The following SBSPON variants were observed in gnomAD, a reference collection of about 807,000 sequenced individuals.
SBSPON encodes somatomedin-B and thrombospondin type-1 domain-containing protein.
A neutral mutation model predicts 35.8 loss-of-function variants in SBSPON; 30 were observed. The ratio of observed to expected loss-of-function variants is 0.84; its 90% CI spans 0.63 to 1.14. The LOEUF (loss-of-function observed/expected upper bound fraction) is 1.14. Ranked by LOEUF, SBSPON falls within the 50% of genes most tolerant of loss-of-function variation. SBSPON has a pLI of 0.00. For synonymous variants in SBSPON, 136 were observed against 135.9 expected (o/e 1.00, Z 0.00); for missense variants, 364 against 357.7 (o/e 1.02, Z -0.14).
At position 73,065,137 on chromosome 8, in the gene SBSPON, C is replaced by T. The variant is rs994648691; in HGVS notation, c.*2204G>A. On this transcript the variant is annotated 3_prime_UTR_variant, in exon 5 of 5. Transcript: ENST00000297354. ...TTATTTAACAGTTAACTCCTCTAGC[C>T]CATAAAATTTTCTCAAGAATAGAAA... 4 of 152,048 alleles carry T rather than the reference C, an allele frequency of 2.6e-5. No homozygotes were observed. Among genetic ancestry groups the T allele is most frequent in the Non-Finnish European group, 4.4e-5 (3 of 68,016 alleles). 9.4% of individuals were successfully genotyped at this position (152,048 alleles called of 1,614,324 possible). A position where few individuals can be genotyped will look rare whatever the true frequency, so the allele number is the denominator to read the frequency against.
chr8:73,067,246 A>C lies in SBSPON; in HGVS notation c.*95T>G. On this transcript the variant is annotated 3_prime_UTR_variant, in exon 5 of 5. Transcript: ENST00000297354. ...GAGTGTGGCAATGATGTGTTTGGGG[A>C]CTTTGGCCAAAATTGAAGGTTTAGG... 2 of 737,228 alleles carry C rather than the reference A, an allele frequency of 2.7e-6. No homozygotes were observed. The highest frequency in any genetic ancestry group is 4.7e-6 in the Non-Finnish European group (2 of 425,120). 45.7% of individuals were successfully genotyped at this position (737,228 alleles called of 1,614,324 possible).
chr8:73,088,702 GAAGAA>G lies in SBSPON; in HGVS notation c.214+4147_214+4151del, dbSNP rs146159892. Among the ~76,000 whole-genome samples the G allele has an allele frequency of 4.3e-3, 647 of 152,180 alleles. 4 individuals carry two copies. The highest frequency in any genetic ancestry group is 0.015 in the African/African-American group (609 of 41,516). ...CATCTCAAAAAGAAAAAAAAAGAGA[GAAGAA>G]GAGAGTCTAAGAGGCAGAATGGTTC... On this transcript the variant is annotated intron_variant, in intron 1 of 4. Transcript: ENST00000297354.
chr8:73,078,917 A>G (rs1375204678), intron 2 of SBSPON, among the ~76,000 whole-genome samples: 1 of 152,064 alleles, frequency 6.6e-6, no homozygotes, highest in African/African-American at 2.4e-5. Context: ...AAAGCCCAGA[A>G]TCCCAAATAG....
rs1233223282 is a variant in SBSPON, at chr8:73,067,589, C to CTATATATATATATATATATA, written c.678-132_678-131insTATATATATATATATATATA. 21 of 104,272 alleles carry CTATATATATATATATATATA rather than the reference C, an allele frequency of 2.0e-4. No individual in the cohort carries two copies. The African/African-American group carries it at 2.1e-3, about 10-fold the overall frequency. The allele number at this position is 104,272 out of a possible 1,614,324, so 6.5% of individuals were successfully genotyped here. A position where few individuals can be genotyped will look rare whatever the true frequency, so the allele number is the denominator to read the frequency against. On this transcript the variant is annotated intron_variant, in intron 4 of 4. Coordinates refer to ENST00000297354, the MANE Select transcript of SBSPON (RefSeq NM_153225.4). ...GCAATATAGTGAAACCCCGTCTCTA[C>CTATATATATATATATATATA]TATATATATATATATATAGTTTTTT... is the stretch of plus-strand genomic sequence containing the variant.
intron 2 of SBSPON, among the ~76,000 whole-genome samples, chr8:73,080,530 A>C (rs1810677001): frequency 6.6e-6 from 1 of 152,110 alleles, no homozygotes; most frequent in Non-Finnish European, 1.5e-5. Flanking sequence ...TAATAATAAT[A>C]ATAAAAGAAT....
chr8:73,069,919 A>G lies in SBSPON; in HGVS notation c.563T>C (p.Leu188Ser). 6.2e-7 allele frequency: 1 copy of G among 1,612,614 alleles called. No individual in the cohort carries two copies. The highest frequency in any genetic ancestry group is 8.5e-7 in the Non-Finnish European group (1 of 1,178,868). ...TPHCALENWP[L>S]TRWMQYLREG... ...TCGGAGATACTGCATCCATCTAGTC[A>G]AGGGCCAGTTTTCCAGAGCACAGTG... Residue 188 changes from leucine to serine, a missense_variant, in exon 4 of 5, where the codon TTG (leucine) becomes TCG (serine). Transcript: ENST00000297354.
intron 2 of SBSPON, among the ~76,000 whole-genome samples, chr8:73,080,514 CA>C (rs913170018): frequency 1.3e-5 from 2 of 151,874 alleles, no homozygotes; most frequent in African/African-American, 4.8e-5. Context: ...GACTCTGTCT[CA>C]AAAATAATAA....
chr8:73,074,335 T>A (rs1810551394), intron 2 of SBSPON, among the ~76,000 whole-genome samples: 2 of 152,208 alleles, frequency 1.3e-5, no homozygotes, highest in Admixed American at 6.5e-5. Flanking sequence ...ACAAAATTCT[T>A]GGAAAAGGTT....
chr8:73,072,788 G>T (rs948458246), intron 2 of SBSPON, among the ~76,000 whole-genome samples: 1 of 152,166 alleles, frequency 6.6e-6, no homozygotes, highest in Non-Finnish European at 1.5e-5. Context: ...CAATGTGGCT[G>T]CCCAGTGCCA....
At chr8:73,085,105 T>C (rs1810799012) in intron 1 of SBSPON, among the ~76,000 whole-genome samples, 1 of 151,856 alleles carries the variant, frequency 6.6e-6, no homozygotes, top group Non-Finnish European at 1.5e-5. Context: ...GGAAGTGGGG[T>C]GGAAGGAGAC....
At chr8:73,090,919 A>T (rs1810920910) in intron 1 of SBSPON, among the ~76,000 whole-genome samples, 1 of 152,108 alleles carries the variant, frequency 6.6e-6, no homozygotes, top group African/African-American at 2.4e-5. Context: ...TCACTATTCT[A>T]CCGCCTAGAC....
intron 1 of SBSPON, 89 bp from the exon 2 acceptor site, chr8:73,081,302 T>C: frequency 8.3e-7 from 1 of 1,202,852 alleles, no homozygotes; most frequent in Non-Finnish European, 1.1e-6. Flanking sequence ...TGAGTTTAGC[T>C]CCATGTAAAC....
At chr8:73,081,581 G>A (rs1016625005) in intron 1 of SBSPON, among the ~76,000 whole-genome samples, 2 of 151,676 alleles carry the variant, frequency 1.3e-5, no homozygotes, top group African/African-American at 4.8e-5. Flanking sequence ...AATTTTATCT[G>A]CCCCTGCCCA....
intron 1 of SBSPON, among the ~76,000 whole-genome samples, chr8:73,091,943 AC>A (rs1563493218): frequency 6.6e-6 from 1 of 152,082 alleles, no homozygotes; most frequent in Admixed American, 6.5e-5. Context: ...TTCAGCTCGA[AC>A]CCTAATATCT....
chr8:73,068,446 A>G (rs958916036), intron 4 of SBSPON, among the ~76,000 whole-genome samples: 2 of 152,216 alleles, frequency 1.3e-5, no homozygotes, highest in African/African-American at 4.8e-5. Flanking sequence ...CTGTATTTCT[A>G]CCAGTTACAC....
At chr8:73,086,279 G>GAATGAGGCTGAA (rs1810824156) in intron 1 of SBSPON, among the ~76,000 whole-genome samples, 2 of 151,930 alleles carry the variant, frequency 1.3e-5, no homozygotes, top group South Asian at 4.2e-4. Flanking sequence ...TCATGCTTCA[G>GAATGAGGCTGAA]CCTCCCGAGT....
At chr8:73,072,302 G>A (rs1280585369) in intron 2 of SBSPON, among the ~76,000 whole-genome samples, 3 of 150,510 alleles carry the variant, frequency 2.0e-5, no homozygotes, top group African/African-American at 7.5e-5. Flanking sequence ...AAACAAAGAA[G>A]GATAGAGAGA....
rs1480985015 is a variant in SBSPON, at chr8:73,093,041, G to T, written c.27C>A (p.Cys9Ter). Reference protein sequence around the residue: MRTLWMALCALSRLWPGAQ... With the variant: MRTLWMAL ...CCCCGGGCCACAGCCGCGACAGCGC[G>T]CACAGCGCCATCCACAGGGTCCTCA... Residue 9 changes from cysteine to a stop codon, truncating the protein, a stop_gained, in exon 1 of 5, where the codon TGC becomes TGA. Coordinates refer to ENST00000297354, the MANE Select transcript of SBSPON (RefSeq NM_153225.4). LOFTEE classifies it high-confidence loss of function. 3 of 1,379,300 alleles carry T rather than the reference G, an allele frequency of 2.2e-6. No individual in the cohort carries two copies. The highest frequency in any genetic ancestry group is 3.1e-5 in the African/African-American group (2 of 64,654). The allele number at this position is 1,379,300 out of a possible 1,614,324, so 85.4% of individuals were successfully genotyped here. A position where few individuals can be genotyped will look rare whatever the true frequency, so the allele number is the denominator to read the frequency against.
intron 4 of SBSPON, among the ~76,000 whole-genome samples, chr8:73,069,371 G>A (rs544392354): frequency 6.6e-6 from 1 of 151,646 alleles, no homozygotes; most frequent in Non-Finnish European, 1.5e-5. Flanking sequence ...TGCAACCTCC[G>A]CCTCCTGGAC....
Sources: gnomAD v4.1 joint callset for allele counts (sites outside exome capture counted in the v4.1 genomes callset) on GRCh38, gnomAD v4.1.1 for gene constraint, MANE v1.5 for transcripts, NCBI Gene and HGNC (gene_info 2026-07-23, HGNC 2026-07-21) for gene names.